Variants in CLTCL1 observed in about 807,000 individuals in gnomAD.
CLTCL1 encodes clathrin heavy chain 2.
In CLTCL1, 159 loss-of-function variants were observed where a neutral mutation model predicts 190.0. The observed-to-expected ratio is 0.84, with a 90% CI of 0.74 to 0.95. The LOEUF (loss-of-function observed/expected upper bound fraction) is 0.95. Among genes scored for constraint, CLTCL1 ranks in the 40% least tolerant of loss-of-function variants. The pLI is 0.00. For synonymous variants in CLTCL1, 752 were observed against 769.6 expected (o/e 0.98, Z 0.38); for missense variants, 1,878 against 2,033.4 (o/e 0.92, Z 1.47).
At chr22:19,238,044 T>C (rs1438617122) in intron 5 of CLTCL1, among the ~76,000 whole-genome samples, 3 of 152,182 alleles carry the variant, frequency 2.0e-5, no homozygotes, top group Non-Finnish European at 2.9e-5. Flanking sequence ...CTAAATTTTT[T>C]ATAAAACAAA....
intron 4 of CLTCL1, among the ~76,000 whole-genome samples, chr22:19,241,680 A>G (rs2086257856): frequency 6.6e-6 from 1 of 152,218 alleles, no homozygotes. Context: ...TGAGACCACA[A>G]TGGCGGAACC....
intron 1 of CLTCL1, among the ~76,000 whole-genome samples, chr22:19,277,508 A>G (rs1218968280): frequency 6.6e-6 from 1 of 152,206 alleles, no homozygotes; most frequent in Non-Finnish European, 1.5e-5. Context: ...AAACAAACAA[A>G]AACACATATA....
intron 1 of CLTCL1, among the ~76,000 whole-genome samples, chr22:19,281,414 TTA>T: frequency 6.6e-6 from 1 of 152,300 alleles, no homozygotes; most frequent in East Asian, 1.9e-4. Flanking sequence ...ATGATAAATT[TTA>T]TGTTATGTAT....
chr22:19,231,044 GC>G (rs2085904343), intron 10 of CLTCL1, among the ~76,000 whole-genome samples: 1 of 152,020 alleles, frequency 6.6e-6, no homozygotes, highest in Admixed American at 6.6e-5. Flanking sequence ...TACACCAAAG[GC>G]CCCCCAGGGT....
Position 19,186,670 on chromosome 22 carries a change from C to T in CLTCL1, c.4605+888G>A, listed in dbSNP as rs188887857. Among the ~76,000 whole-genome samples, 1,094 of 152,090 alleles carry T rather than the reference C, an allele frequency of 7.2e-3. 3 individuals carry two copies. The highest frequency in any genetic ancestry group is 0.017 in the Middle Eastern group (5 of 294). ...GGATGGAATGGAGTGGCGTGATCTC[C>T]GCTCACTGCAACCTCCGCCTCCTGG... is the stretch of plus-strand genomic sequence containing the variant. On this transcript the variant is annotated intron_variant, in intron 29 of 32. Coordinates refer to ENST00000427926, the MANE Select transcript of CLTCL1 (RefSeq NM_007098.4).
At chr22:19,232,647 C>T (rs2085953614) in intron 9 of CLTCL1, 49 bp from the exon 10 acceptor site, 1 of 1,561,544 alleles carries the variant, frequency 6.4e-7, no homozygotes, top group Non-Finnish European at 8.7e-7. Context: ...AAACCCTGGG[C>T]ATTAGAAAAG....
rs782475736 is a variant in CLTCL1, at chr22:19,275,721, G to A, written c.152C>T (p.Thr51Met). 17 of 1,607,658 alleles carry A rather than the reference G, an allele frequency of 1.1e-5. No homozygotes were observed. The highest frequency in any genetic ancestry group is 1.6e-4 in the Middle Eastern group (1 of 6,078). The part of the protein sequence containing the change: ...REKVGEQAQV[T>M]IIDMSDPMAP... ...CATTGGGTCACTCATGTCAATGATC[G>A]TGACCTGTGCCTGCTCACCAACTTT... The change falls in exon 2 of 33, where the codon ACG becomes ATG. Residue 51 changes from threonine (T) to methionine (M), a missense_variant. By Grantham distance (81) the Thr-to-Met change is moderately conservative. Coordinates refer to ENST00000427926, the MANE Select transcript of CLTCL1 (RefSeq NM_007098.4).
In CLTCL1 at chr22:19,223,969, T is replaced by G. The variant is rs781961939; in HGVS notation, c.2214A>C (p.Thr738=). Residue 738 remains threonine (T), a synonymous_variant, in exon 14 of 33, where the codon ACA becomes ACC. Coordinates refer to ENST00000427926, the MANE Select transcript of CLTCL1 (RefSeq NM_007098.4). The stretch of plus-strand genomic sequence containing the variant: ...TCCTCTCCACCTCCTTGATCTGCCC[T>G]GTCTTACAGGCAGCCTGAATGTATT... ...HLKYIQAACK[T]GQIKEVERIC... 8 of 1,613,992 alleles carry G rather than the reference T, an allele frequency of 5.0e-6. No homozygotes were observed. In the Admixed American group the frequency reaches 5.0e-5, roughly 10 times the overall value.
rs782055526 is a variant in CLTCL1 at position 19,229,876 on chromosome 22, T to C, written c.1744A>G (p.Thr582Ala). 18 of 1,611,664 alleles carry C rather than the reference T, an allele frequency of 1.1e-5. No individual in the cohort carries two copies. In the Admixed American group the frequency reaches 2.8e-4, roughly 25 times the overall value. ...ACAAGGTTCATCTCCAACAGCCATG[T>C]CTGCAGGAGTCCCTCAGCTGGGCGA... is the stretch of plus-strand genomic sequence containing the variant. Reference protein sequence around the residue: ...NNRPAEGLLQTWLLEMNLVHA... With the variant: ...NNRPAEGLLQAWLLEMNLVHA... Residue 582 changes from threonine to alanine, a missense_variant, in exon 11 of 33, where the codon ACA becomes GCA. By Grantham distance (58) the Thr-to-Ala change is moderately conservative (BLOSUM62 0). Coordinates refer to ENST00000427926, the MANE Select transcript of CLTCL1 (RefSeq NM_007098.4).
Position 19,229,845 on chromosome 22 carries a change from G to A in CLTCL1, c.1775C>T (p.Ala592Val). The A allele has an allele frequency of 6.2e-7, 1 of 1,608,096 alleles. No homozygotes were observed. The highest frequency in any genetic ancestry group is 8.5e-7 in the Non-Finnish European group (1 of 1,177,842). ...TWLLEMNLVH[A>V]PQVADAILGN... Reference sequence around the variant, plus strand: ...AGCCTACAAGTCACTGACCTGGGGTGCATGAACAAGGTTCATCTCCAACAG... The same window carrying A: ...AGCCTACAAGTCACTGACCTGGGGTACATGAACAAGGTTCATCTCCAACAG... The change falls in exon 11 of 33, where the codon GCA becomes GTA. Residue 592 changes from alanine to valine, a missense_variant. Transcript: ENST00000427926.
In CLTCL1 at chr22:19,210,496, G is replaced by C. The variant is rs111689454; in HGVS notation, c.3079C>G (p.Leu1027Val). 15 of 1,613,592 alleles carry C rather than the reference G, an allele frequency of 9.3e-6. No homozygotes were observed. The highest frequency in any genetic ancestry group is 1.1e-5 in the Non-Finnish European group (13 of 1,179,730). Residue 1027 changes from leucine to valine, a missense_variant, in exon 20 of 33, where the codon CTG (leucine) becomes GTG (valine). By Grantham distance (32) the Leu-to-Val change is conservative. Coordinates refer to ENST00000427926, the MANE Select transcript of CLTCL1 (RefSeq NM_007098.4). ...GCCTTGATGGCAGTCAGGATCAACA[G>C]ATTCTGTAGATTCCTGAGGAGAGAG... ...VFSEHRNLQN[L>V]LILTAIKADR...
chr22:19,230,464 A>G (rs1555958466), intron 10 of CLTCL1, among the ~76,000 whole-genome samples: 9 of 152,074 alleles, frequency 5.9e-5, no homozygotes, highest in Non-Finnish European at 1.5e-5. Context: ...GCATGTGCCT[A>G]TAGTCCCAGC....
rs2086064687 is a variant in CLTCL1 at position 19,235,818 on chromosome 22, G to A, written c.847C>T (p.His283Tyr). The change falls in exon 6 of 33, where the codon CAT becomes TAT. Residue 283 changes from histidine to tyrosine, a missense_variant. By Grantham distance (83) the His-to-Tyr change is moderately conservative. Coordinates refer to ENST00000427926, the MANE Select transcript of CLTCL1 (RefSeq NM_007098.4). Reference protein sequence around the residue: ...IYLITKYGYLHLYDLESGVCI... With the variant: ...IYLITKYGYLYLYDLESGVCI... ...ACGCCAGACTCTAGGTCGTACAGAT[G>A]AAGATAGCCATACTTTGTGATCAAG... is the stretch of plus-strand genomic sequence containing the variant. 4 of 1,613,846 alleles carry A rather than the reference G, an allele frequency of 2.5e-6. No homozygotes were observed. The highest frequency in any genetic ancestry group is 2.7e-5 in the African/African-American group (2 of 74,930).
At chr22:19,283,179 G>GT (rs1237030209) in intron 1 of CLTCL1, among the ~76,000 whole-genome samples, 55 of 145,270 alleles carry the variant, frequency 3.8e-4, no homozygotes, top group Admixed American at 6.1e-4. Context: ...GCCCAGGTTT[G>GT]TTTTTTTTTT....
At chr22:19,257,290 A>G (rs1158769009) in intron 2 of CLTCL1, among the ~76,000 whole-genome samples, 1 of 152,210 alleles carries the variant, frequency 6.6e-6, no homozygotes, top group African/African-American at 2.4e-5. Context: ...ACCTTCACAT[A>G]TATGATCAAA....
rs1555961546 is a variant in CLTCL1, at chr22:19,235,588, G to C, written c.969+108C>G. The C allele has an allele frequency of 3.0e-6, 3 of 1,014,366 alleles. No homozygotes were observed. The Admixed American group carries it at 6.9e-5, about 23-fold the overall frequency. 62.8% of individuals were successfully genotyped at this position (1,014,366 alleles called of 1,614,324 possible). On this transcript the variant is annotated intron_variant, in intron 6 of 32. Transcript: ENST00000427926. Reference sequence around the variant, plus strand: ...GACATGGGTTTAAGTTTAATAACAGGAACTATTAATAGCTACACCCAGCTG... The same window carrying C: ...GACATGGGTTTAAGTTTAATAACAGCAACTATTAATAGCTACACCCAGCTG...
At chr22:19,191,133 T>C (rs1447939612) in intron 27 of CLTCL1, among the ~76,000 whole-genome samples, 171 bp downstream of exon 27, 1 of 152,232 alleles carries the variant, frequency 6.6e-6, no homozygotes, top group African/African-American at 2.4e-5. Flanking sequence ...AAATGAAGCA[T>C]GATACGGGAG....
chr22:19,247,764 T>C (rs1163620244), intron 3 of CLTCL1, among the ~76,000 whole-genome samples: 1 of 152,060 alleles, frequency 6.6e-6, no homozygotes, highest in Non-Finnish European at 1.5e-5. Context: ...TTTCACCACA[T>C]TGGCCAGGCT....
chr22:19,210,387 G>A lies in CLTCL1; in HGVS notation c.3188C>T (p.Ala1063Val), dbSNP rs782745841. 3.7e-6 allele frequency: 6 copies of A among 1,613,860 alleles called. No individual in the cohort carries two copies. In the East Asian group the frequency reaches 6.7e-5, roughly 18 times the overall value. ...LDIASIAVSS[A>V]LYEEAFTVFH... ...AACGGTGAAGGCCTCCTCATACAGT[G>A]CGCTGCTGACAGCGATGCTCGCGAT... Residue 1063 changes from alanine to valine, a missense_variant, in exon 20 of 33, where the codon GCA (alanine) becomes GTA (valine). Transcript: ENST00000427926.
Sources: gnomAD v4.1 joint callset for allele counts (sites outside exome capture counted in the v4.1 genomes callset) on GRCh38, gnomAD v4.1.1 for gene constraint, MANE v1.5 for transcripts, NCBI Gene and HGNC (gene_info 2026-07-23, HGNC 2026-07-21) for gene names.